Variants in NPHP1 observed in about 807,000 individuals in gnomAD.
The protein encoded by NPHP1 is nephrocystin-1.
NPHP1 carries 70 observed loss-of-function variants against 90.4 expected under a neutral mutation model. The ratio of observed to expected loss-of-function variants is 0.77; its 90% confidence interval spans 0.64 to 0.95. NPHP1 has a LOEUF of 0.95. NPHP1 is among the 40% of genes least tolerant of loss of function. The pLI, the probability that NPHP1 is intolerant of heterozygous loss-of-function variation, is 0.00. For synonymous variants in NPHP1, 256 were observed against 271.7 expected (o/e 0.94, Z 0.57); for missense variants, 764 against 795.9 (o/e 0.96, Z 0.48).
intron 2 of NPHP1, among the ~76,000 whole-genome samples, chr2:110,190,379 G>A (rs575847077): frequency 1.2e-4 from 19 of 152,296 alleles, no homozygotes; most frequent in South Asian, 8.3e-4. Flanking sequence ...CCTGCCCCGC[G>A]GGAAGGCAGC....
intron 16 of NPHP1, among the ~76,000 whole-genome samples, chr2:110,137,559 A>G (rs1323152336): frequency 6.6e-6 from 1 of 152,186 alleles, no homozygotes; most frequent in Non-Finnish European, 1.5e-5. Flanking sequence ...ATGCAGCCAA[A>G]AAACACATGA....
chr2:110,200,980 T>A (rs1685538702), intron 2 of NPHP1, among the ~76,000 whole-genome samples: 1 of 152,178 alleles, frequency 6.6e-6, no homozygotes, highest in Non-Finnish European at 1.5e-5. Context: ...GAATTAATAG[T>A]CTAAATTTGA....
rs1265550475 is a variant in NPHP1 at position 110,179,634 on chromosome 2, T to C, written c.194A>G (p.Lys65Arg). Residue 65 changes from lysine to arginine, a missense_variant, in exon 3 of 20, where the codon AAA (lysine) becomes AGA (arginine). Lys to Arg is a conservative substitution (Grantham distance 26). Coordinates refer to ENST00000445609, the MANE Select transcript of NPHP1 (RefSeq NM_001128178.3). The stretch of plus-strand genomic sequence containing the variant: ...AACCTCAATACTTACTTTGCTTAAT[T>C]TTTGAAGAGCATTTTTATTTTCATC... ...AIDENKNALQ[K>R]LSKADESAPV... 7.4e-7 allele frequency: 1 copy of C among 1,355,262 alleles called. No homozygotes were observed. Among genetic ancestry groups the C allele is most frequent in the East Asian group, 2.3e-5 (1 of 43,346 alleles). The allele number at this position is 1,355,262 out of a possible 1,614,324, so 84.0% of individuals were successfully genotyped here. A position where few individuals can be genotyped will look rare whatever the true frequency, so the allele number is the denominator to read the frequency against.
chr2:110,134,323 T>C (rs1401065838), intron 16 of NPHP1, among the ~76,000 whole-genome samples: 1 of 151,878 alleles, frequency 6.6e-6, no homozygotes, highest in Non-Finnish European at 1.5e-5. Flanking sequence ...CAATAACAAG[T>C]AAGGAGATTG....
Position 110,201,420 on chromosome 2 carries a change from C to T in NPHP1, c.143+1G>A, listed in dbSNP as rs745806504. The T allele has an allele frequency of 5.0e-6, 8 of 1,593,756 alleles. No individual in the cohort carries two copies. Among genetic ancestry groups the T allele is most frequent in the Non-Finnish European group, 6.9e-6 (8 of 1,163,582 alleles). On this transcript the variant is annotated splice_donor_variant, in intron 2 of 19. Coordinates refer to ENST00000445609, the MANE Select transcript of NPHP1 (RefSeq NM_001128178.3). LOFTEE classifies it high-confidence loss of function. ...AGCTTATATAATTTAGCATACTTTA[C>T]CTTTGATAAATATGTTGTCTTTTAT...
chr2:110,142,694 T>G (rs1414394226), intron 16 of NPHP1, among the ~76,000 whole-genome samples: 2 of 152,154 alleles, frequency 1.3e-5, no homozygotes, highest in Non-Finnish European at 2.9e-5. Context: ...CAGGCCTACC[T>G]TAAACATGCT....
intron 16 of NPHP1, among the ~76,000 whole-genome samples, chr2:110,137,981 A>G: frequency 6.6e-6 from 1 of 151,322 alleles, no homozygotes; most frequent in Admixed American, 6.6e-5. Flanking sequence ...TACACCATGG[A>G]ATACTATGCA....
At chr2:110,196,203 C>G (rs564719763) in intron 2 of NPHP1, among the ~76,000 whole-genome samples, 2 of 152,190 alleles carry the variant, frequency 1.3e-5, no homozygotes, top group South Asian at 2.1e-4. Context: ...AAACTACCAT[C>G]AGAGTGAACA....
chr2:110,200,359 T>C (rs2104710590), intron 2 of NPHP1, among the ~76,000 whole-genome samples: 1 of 151,948 alleles, frequency 6.6e-6, no homozygotes, highest in East Asian at 1.9e-4. Context: ...AGGTCAGGAG[T>C]TCGAAACCAG....
At chr2:110,144,349 A>G in intron 15 of NPHP1, 144 bp downstream of exon 15, 1 of 644,434 alleles carries the variant, frequency 1.6e-6, no homozygotes, top group Non-Finnish European at 2.8e-6. Flanking sequence ...CTTAAAAATG[A>G]TTAAAATTTT....
intron 16 of NPHP1, among the ~76,000 whole-genome samples, chr2:110,136,257 T>A (rs1359155208): frequency 5.3e-5 from 8 of 152,102 alleles, no homozygotes; most frequent in African/African-American, 1.9e-4. Flanking sequence ...CTTTGAAAAC[T>A]GGCACAAGAC....
chr2:110,204,569 A>G lies in NPHP1; in HGVS notation c.69+331T>C, dbSNP rs1344691453. On this transcript the variant is annotated intron_variant, in intron 1 of 19. Coordinates refer to ENST00000445609, the MANE Select transcript of NPHP1 (RefSeq NM_001128178.3). Reference sequence around the variant, plus strand: ...TGGAAATGGTTACACCACTAAGTTTAGATTGGGAGATAAGGTGGGTTAGTG... The same window carrying G: ...TGGAAATGGTTACACCACTAAGTTTGGATTGGGAGATAAGGTGGGTTAGTG... Among the ~76,000 whole-genome samples the G allele has an allele frequency of 2.0e-5, 3 of 152,116 alleles. No homozygotes were observed. The East Asian group carries it at 5.8e-4, about 29-fold the overall frequency.
At chr2:110,141,042 T>C (rs1249681250) in intron 16 of NPHP1, among the ~76,000 whole-genome samples, 1 of 152,148 alleles carries the variant, frequency 6.6e-6, no homozygotes, top group African/African-American at 2.4e-5. Flanking sequence ...GGTGGGACAG[T>C]TCAGCTGCAA....
intron 2 of NPHP1, 37 bp downstream of exon 2, chr2:110,201,384 G>T: frequency 7.7e-7 from 1 of 1,293,728 alleles, no homozygotes; most frequent in Non-Finnish European, 1.1e-6. Flanking sequence ...ATGTAAGTGC[G>T]GTTCCTGTAA....
chr2:110,182,373 G>C (rs1320648733), intron 2 of NPHP1, among the ~76,000 whole-genome samples: 2 of 151,318 alleles, frequency 1.3e-5, no homozygotes, highest in Non-Finnish European at 2.9e-5. Context: ...AAAAGTTAAA[G>C]GCAGCCAGAG....
intron 16 of NPHP1, 106 bp downstream of exon 16, chr2:110,143,415 AAGAATTAAAGAGGACAAAAAT>A: frequency 1.4e-6 from 1 of 718,182 alleles, no homozygotes; most frequent in Non-Finnish European, 2.5e-6. Context: ...CCTTTGGGGG[AAGAATTAAAGAGGACAAAAAT>A]ATTATAACAA....
intron 16 of NPHP1, among the ~76,000 whole-genome samples, chr2:110,141,336 T>G (rs189645954): frequency 6.6e-6 from 1 of 152,284 alleles, no homozygotes; most frequent in African/African-American, 2.4e-5. Context: ...TACTGGCTGT[T>G]TTATGTATTT....
intron 4 of NPHP1, among the ~76,000 whole-genome samples, chr2:110,174,548 CATAT>C (rs1683372801): frequency 6.6e-6 from 1 of 152,152 alleles, no homozygotes; most frequent in Non-Finnish European, 1.5e-5. Context: ...TTTCCTTCTA[CATAT>C]AGTCAGTCCT....
chr2:110,131,066 A>G (rs1297071001), intron 17 of NPHP1, among the ~76,000 whole-genome samples: 1 of 152,154 alleles, frequency 6.6e-6, no homozygotes, highest in Non-Finnish European at 1.5e-5. Context: ...GAGCCAATAC[A>G]ATTAAACTGC....
Sources: allele counts gnomAD v4.1 joint callset (sites outside exome capture counted in the v4.1 genomes callset), GRCh38; gene constraint gnomAD v4.1.1; transcripts MANE v1.5; gene names NCBI Gene and HGNC (gene_info 2026-07-23, HGNC 2026-07-21).